The following DPH3 variants were observed in gnomAD, a reference collection of about 807,000 sequenced individuals.
The protein encoded by DPH3 is diphthamide biosynthesis protein 3.
DPH3 carries 8 observed loss-of-function variants against 10.2 expected under a neutral mutation model. The ratio of observed to expected loss-of-function variants is 0.79; its 90% CI spans 0.46 to 1.42. The LOEUF (loss-of-function observed/expected upper bound fraction) is 1.42. Ranked by LOEUF, DPH3 falls within the 40% of genes most tolerant of loss-of-function variation. The pLI, the probability that DPH3 is intolerant of heterozygous loss-of-function variation, is 0.00. For missense variants in DPH3, 96 were observed against 98.9 expected (o/e 0.97, Z 0.12); for synonymous variants, 35 against 35.6 (o/e 0.98, Z 0.06).
In DPH3 at chr3:16,263,285, T is replaced by C. The variant is rs115752737; in HGVS notation, c.183+870A>G. 1.6e-3 allele frequency among the ~76,000 whole-genome samples: 240 copies of C among 152,192 alleles called. No homozygotes were observed. Among genetic ancestry groups the C allele is most frequent in the African/African-American group, 5.6e-3 (232 of 41,530 alleles). On this transcript the variant is annotated intron_variant, in intron 2 of 2. Coordinates refer to ENST00000488423, the MANE Select transcript of DPH3 (RefSeq NM_206831.3). The surrounding 1 kb of genome is among the most constrained non-coding windows in gnomAD (Gnocchi z 4.0). ...CGATCCTTTGCTCGACTCTCTTACC[T>C]CATACCCTCATATGTACATGGCTCA...
Position 16,257,812 on chromosome 3 carries a change from A to G in DPH3, c.*2952T>C, listed in dbSNP as rs927204276. Among the ~76,000 whole-genome samples the G allele has an allele frequency of 6.6e-6, 1 of 152,232 alleles. No homozygotes were observed. The highest frequency in any genetic ancestry group is 2.4e-5 in the African/African-American group (1 of 41,458). The stretch of plus-strand genomic sequence containing the variant: ...TTTTTCCCAAACAATAGAAATCCAG[A>G]GCCCAAACTGTAGAAATTGGCAATT... On this transcript the variant is annotated 3_prime_UTR_variant, in exon 3 of 3. Coordinates refer to ENST00000488423, the MANE Select transcript of DPH3 (RefSeq NM_206831.3).
At position 16,260,770 on chromosome 3, in the gene DPH3, T is replaced by C; in HGVS notation, c.243A>G (p.Lys81=). Residue 81 remains lysine (K), a synonymous_variant, in exon 3 of 3, where the codon AAA becomes AAG. Transcript: ENST00000488423. ...TGGATTCCTGAAGGCTTCTTCAGCA[T>C]TTAACTAATTCTTTGTTGGCTGAAG... ...PAPSANKELV[K]C 6.2e-7 allele frequency: 1 copy of C among 1,613,514 alleles called. No homozygotes were observed. The highest frequency in any genetic ancestry group is 8.5e-7 in the Non-Finnish European group (1 of 1,179,586).
Position 16,264,757 on chromosome 3 carries a change from C to T in DPH3, c.108+12G>A, listed in dbSNP as rs868767787. ...TGCTTGGGTGAACCGCCGGGCGGGA[C>T]CCTGAAGTTACCTTGGTGATGGAGA... On this transcript the variant is annotated intron_variant, in intron 1 of 2. Coordinates refer to ENST00000488423, the MANE Select transcript of DPH3 (RefSeq NM_206831.3). 1.9e-6 allele frequency: 3 copies of T among 1,613,608 alleles called. No homozygotes were observed. Among genetic ancestry groups the T allele is most frequent in the Middle Eastern group, 1.7e-4 (1 of 6,026 alleles).
rs1424948544 is a variant in DPH3 at position 16,260,329 on chromosome 3, G to C, written c.*435C>G. On this transcript the variant is annotated 3_prime_UTR_variant, in exon 3 of 3. Transcript: ENST00000488423. The stretch of plus-strand genomic sequence containing the variant: ...CTAATTTTAAATTTAGAACAGCAAA[G>C]CTGATGTCATATTTCAAAGGAAGGG... 1 of 161,328 alleles carries C rather than the reference G, an allele frequency of 6.2e-6. No individual in the cohort carries two copies. The highest frequency in any genetic ancestry group is 1.4e-5 in the Non-Finnish European group (1 of 73,280). 10.0% of individuals were successfully genotyped at this position (161,328 alleles called of 1,614,324 possible). A position where few individuals can be genotyped will look rare whatever the true frequency, so the allele number is the denominator to read the frequency against.
At position 16,261,553 on chromosome 3, in the gene DPH3, A is replaced by G. The variant is rs1432463228; in HGVS notation, c.184-724T>C. Among the ~76,000 whole-genome samples the G allele has an allele frequency of 6.6e-6, 1 of 152,202 alleles. No individual in the cohort carries two copies. The highest frequency in any genetic ancestry group is 1.5e-5 in the Non-Finnish European group (1 of 68,038). On this transcript the variant is annotated intron_variant, in intron 2 of 2. Transcript: ENST00000488423. The surrounding 1 kb of genome is among the most constrained non-coding windows in gnomAD (Gnocchi z 7.1). ...CCCCAAGAGCACTGGTAATATCTGG[A>G]AACAGTTTGAATTGAAACAACTGAG...
rs554014813 is a variant in DPH3, at chr3:16,262,228, C to G, written c.184-1399G>C. 2.0e-5 allele frequency among the ~76,000 whole-genome samples: 3 copies of G among 152,320 alleles called. No homozygotes were observed. In the East Asian group the frequency reaches 5.8e-4, roughly 29 times the overall value. ...AAACTCCTTAAAAGAAATGCCTATA[C>G]TCACTGCCTTCTGTTCTCTCATTCT... On this transcript the variant is annotated intron_variant, in intron 2 of 2. Coordinates refer to ENST00000488423, the MANE Select transcript of DPH3 (RefSeq NM_206831.3). The surrounding 1 kb of genome is among the most constrained non-coding windows in gnomAD (Gnocchi z 4.7).
intron 1 of DPH3, chr3:16,264,534 A>C: frequency 1.7e-6 from 1 of 582,266 alleles, no homozygotes; most frequent in African/African-American, 1.9e-5. Flanking sequence ...TCGGGCAGAG[A>C]GACAGAGGCT....
rs2064290505 is a variant in DPH3 at position 16,261,009 on chromosome 3, T to A, written c.184-180A>T. On this transcript the variant is annotated intron_variant, in intron 2 of 2. Transcript: ENST00000488423. This position sits in a 1 kb window ranked among gnomAD's most constrained non-coding sequence, Gnocchi z 7.1. The stretch of plus-strand genomic sequence containing the variant: ...CACCAGAAGTAGAATCTTAAACATG[T>A]ATCAGTTTTTTGATCTGAATTCATT... Among the ~76,000 whole-genome samples the A allele has an allele frequency of 6.6e-6, 1 of 152,248 alleles. No individual in the cohort carries two copies. Among genetic ancestry groups the A allele is most frequent in the Non-Finnish European group, 1.5e-5 (1 of 68,052 alleles).
rs1274197739 is a variant in DPH3, at chr3:16,260,281, G to C, written c.*483C>G. The C allele has an allele frequency of 1.3e-5, 2 of 155,978 alleles. No individual in the cohort carries two copies. Among genetic ancestry groups the C allele is most frequent in the African/African-American group, 4.8e-5 (2 of 41,474 alleles). The allele number at this position is 155,978 out of a possible 1,614,324, so 9.7% of individuals were successfully genotyped here. On this transcript the variant is annotated 3_prime_UTR_variant, in exon 3 of 3. Transcript: ENST00000488423. ...GGAGACTGGCTTGGTATAGAAACTG[G>C]AAGTGTGGTACTGATGAAGCAACTA...
chr3:16,264,430 C>T (rs112429013), intron 1 of DPH3: 19,247 of 547,692 alleles, frequency 0.035, 481 homozygotes, highest in Middle Eastern at 0.09. Context: ...CTAGGAAGGT[C>T]AGGCGAGCTT....
In DPH3 at chr3:16,263,608, A is replaced by G. The variant is rs2064326198; in HGVS notation, c.183+547T>C. On this transcript the variant is annotated intron_variant, in intron 2 of 2. Coordinates refer to ENST00000488423, the MANE Select transcript of DPH3 (RefSeq NM_206831.3). The surrounding 1 kb of genome is among the most constrained non-coding windows in gnomAD (Gnocchi z 4.0). ...GGTCCTTACCTAAGATTCCATTCCA[A>G]GTACTGAACAAAACTTTGGGTAGGA... 6.6e-6 allele frequency among the ~76,000 whole-genome samples: 1 copy of G among 152,160 alleles called. No homozygotes were observed. Among genetic ancestry groups the G allele is most frequent in the African/African-American group, 2.4e-5 (1 of 41,440 alleles).
In DPH3 at chr3:16,257,199, CAT is replaced by C. The variant is rs368487921; in HGVS notation, c.*3563_*3564del. Among the ~76,000 whole-genome samples the C allele has an allele frequency of 3.9e-5, 6 of 152,160 alleles. No homozygotes were observed. Among genetic ancestry groups the C allele is most frequent in the Non-Finnish European group, 7.3e-5 (5 of 68,032 alleles). On this transcript the variant is annotated 3_prime_UTR_variant, in exon 3 of 3. Coordinates refer to ENST00000488423, the MANE Select transcript of DPH3 (RefSeq NM_206831.3). ...TTAGAATAGTTAACCATTTTTTGCA[CAT>C]GACAGGCATTAGCTGTCATGTTTTA...
rs979906283 is a variant in DPH3, at chr3:16,264,929, C to T, written c.-53G>A. 2.5e-6 allele frequency: 4 copies of T among 1,598,484 alleles called. No homozygotes were observed. Among genetic ancestry groups the T allele is most frequent in the African/African-American group, 1.3e-5 (1 of 74,784 alleles). The stretch of plus-strand genomic sequence containing the variant: ...CGCCCCAGCAGTCCGAGGCCAGCTC[C>T]GAGGGTTTAACTTCGCCGGAACCGG... On this transcript the variant is annotated 5_prime_UTR_variant, in exon 1 of 3. Transcript: ENST00000488423.
At chr3:16,260,869 C>T (rs376376611) in intron 2 of DPH3, 40 bp from the exon 3 acceptor site, 50 of 1,562,686 alleles carry the variant, frequency 3.2e-5, no homozygotes, top group African/African-American at 8.1e-5. Context: ...AATGAATTTC[C>T]GGTCACAAAT....
In DPH3 at chr3:16,262,013, A is replaced by C. The variant is rs1216781132; in HGVS notation, c.184-1184T>G. Among the ~76,000 whole-genome samples, 1 of 151,762 alleles carries C rather than the reference A, an allele frequency of 6.6e-6. No individual in the cohort carries two copies. Among genetic ancestry groups the C allele is most frequent in the Admixed American group, 6.6e-5 (1 of 15,226 alleles). On this transcript the variant is annotated intron_variant, in intron 2 of 2. Transcript: ENST00000488423. The surrounding 1 kb of genome is among the most constrained non-coding windows in gnomAD (Gnocchi z 4.7). ...TTCATGTTCTCTTTACCTAGTTCAAACTCCATGGTCAGTTATAACCACTCT... is the reference window on the plus strand; with the variant it reads ...TTCATGTTCTCTTTACCTAGTTCAACCTCCATGGTCAGTTATAACCACTCT...
rs28470750 is a variant in DPH3, at chr3:16,257,106, A to G, written c.*3658T>C. 4.5e-3 allele frequency among the ~76,000 whole-genome samples: 684 copies of G among 152,344 alleles called. 2 individuals carry two copies. Among genetic ancestry groups the G allele is most frequent in the African/African-American group, 0.015 (642 of 41,574 alleles). On this transcript the variant is annotated 3_prime_UTR_variant, in exon 3 of 3. Coordinates refer to ENST00000488423, the MANE Select transcript of DPH3 (RefSeq NM_206831.3). ...TATTCTTGATAAATTATCCAGTCTCAGGTATTGTTACAGCAGCAGAACATG... is the reference window on the plus strand; with the variant it reads ...TATTCTTGATAAATTATCCAGTCTCGGGTATTGTTACAGCAGCAGAACATG...
rs887637892 is a variant in DPH3, at chr3:16,258,683, C to T, written c.*2081G>A. 6.6e-6 allele frequency: 1 copy of T among 152,170 alleles called. No individual in the cohort carries two copies. The highest frequency in any genetic ancestry group is 1.5e-5 in the Non-Finnish European group (1 of 68,064). The allele number at this position is 152,170 out of a possible 1,614,324, so 9.4% of individuals were successfully genotyped here. A position where few individuals can be genotyped will look rare whatever the true frequency, so the allele number is the denominator to read the frequency against. ...GCCCAGGCTAGTCTTGAACTCCTGGCCTCACATGATCCTCCTGCCTTAGCT... is the reference window on the plus strand; with the variant it reads ...GCCCAGGCTAGTCTTGAACTCCTGGTCTCACATGATCCTCCTGCCTTAGCT... On this transcript the variant is annotated 3_prime_UTR_variant, in exon 3 of 3. Transcript: ENST00000488423.
Position 16,262,712 on chromosome 3 carries a change from A to G in DPH3, c.183+1443T>C, listed in dbSNP as rs1178239157. Among the ~76,000 whole-genome samples the G allele has an allele frequency of 6.6e-6, 1 of 152,184 alleles. No individual in the cohort carries two copies. Among genetic ancestry groups the G allele is most frequent in the African/African-American group, 2.4e-5 (1 of 41,434 alleles). ...ACATGCATATCCAATTGCCTTCTCAACAGCTCAACTTGGATGACAGACCTC... is the reference window on the plus strand; with the variant it reads ...ACATGCATATCCAATTGCCTTCTCAGCAGCTCAACTTGGATGACAGACCTC... On this transcript the variant is annotated intron_variant, in intron 2 of 2. Transcript: ENST00000488423. The surrounding 1 kb of genome is among the most constrained non-coding windows in gnomAD (Gnocchi z 4.7).
In DPH3 at chr3:16,260,691, C is replaced by T; in HGVS notation, c.*73G>A. Reference sequence around the variant, plus strand: ...TCATAAATGGTTGTCTCTGTGAAGCCAGTAGCTTTGCATTCGATATTTCTA... The same window carrying T: ...TCATAAATGGTTGTCTCTGTGAAGCTAGTAGCTTTGCATTCGATATTTCTA... On this transcript the variant is annotated 3_prime_UTR_variant, in exon 3 of 3. Coordinates refer to ENST00000488423, the MANE Select transcript of DPH3 (RefSeq NM_206831.3). 1 of 1,343,446 alleles carries T rather than the reference C, an allele frequency of 7.4e-7. No homozygotes were observed. Among genetic ancestry groups the T allele is most frequent in the Admixed American group, 1.8e-5 (1 of 54,208 alleles). 83.2% of individuals were successfully genotyped at this position (1,343,446 alleles called of 1,614,324 possible).
Sources: gnomAD v4.1 joint callset for allele counts (sites outside exome capture counted in the v4.1 genomes callset) on GRCh38, gnomAD v4.1.1 for gene constraint, Gnocchi (gnomAD v3.1) non-coding constraint, MANE v1.5 for transcripts, NCBI Gene and HGNC (gene_info 2026-07-23, HGNC 2026-07-21) for gene names.